The following EIF3E variants were observed in gnomAD, a reference collection of about 807,000 sequenced individuals.
The protein encoded by EIF3E is eIF-3 p48.
In EIF3E, 25 loss-of-function variants were observed where a neutral mutation model predicts 59.3. The observed-to-expected ratio is 0.42, with a 90% CI of 0.31 to 0.59. The LOEUF (loss-of-function observed/expected upper bound fraction) is 0.59, where lower values mean the gene tolerates loss of function less well. Among genes scored for constraint, EIF3E ranks in the 20% least tolerant of loss-of-function variants. The pLI is 0.15. For missense variants in EIF3E, 317 were observed against 534.3 expected (o/e 0.59, Z 4.01); for synonymous variants, 176 against 170.2 (o/e 1.03, Z -0.26).
chr8:108,209,805 C>T (rs1815173178), intron 10 of EIF3E, among the ~76,000 whole-genome samples: 1 of 151,996 alleles, frequency 6.6e-6, no homozygotes, highest in South Asian at 2.1e-4. Context: ...GAGTAGTTGC[C>T]AGAAATTAAG....
chr8:108,224,994 C>T (rs2129886473), intron 7 of EIF3E, among the ~76,000 whole-genome samples: 1 of 151,682 alleles, frequency 6.6e-6, no homozygotes, highest in East Asian at 1.9e-4. Flanking sequence ...TCTTTCTAGT[C>T]TTCTGTATGA....
intron 10 of EIF3E, among the ~76,000 whole-genome samples, chr8:108,209,598 G>A (rs1271486295): frequency 6.6e-6 from 1 of 152,070 alleles, no homozygotes; most frequent in Admixed American, 6.5e-5. Flanking sequence ...TCTACCCCGT[G>A]TTTGGCCAAA....
intron 5 of EIF3E, among the ~76,000 whole-genome samples, chr8:108,232,260 C>G (rs547401679): frequency 2.0e-5 from 3 of 152,154 alleles, no homozygotes; most frequent in African/African-American, 7.2e-5. Flanking sequence ...AACAAACTCT[C>G]GCCTAACACA....
At position 108,240,043 on chromosome 8, in the gene EIF3E, G is replaced by C. The variant is rs2129920997; in HGVS notation, c.238C>G (p.Gln80Glu). 1 of 1,614,026 alleles carries C rather than the reference G, an allele frequency of 6.2e-7. No homozygotes were observed. The highest frequency in any genetic ancestry group is 2.2e-5 in the East Asian group (1 of 44,856). ...GTTTCTGCCTGAAGCTGTTTCAGTT[G>C]TGCAACCACTGTGGTTCTTTTCTCT... ...LREKRTTVVAQLKQLQAETEP... is the reference protein window; with the variant it reads ...LREKRTTVVAELKQLQAETEP... Residue 80 changes from glutamine to glutamate, a missense_variant, in exon 3 of 13, where the codon CAA becomes GAA. This residue lies in a region of EIF3E where 242 missense variants were observed against 398.0 expected (regional missense o/e 0.61). Transcript: ENST00000220849.
intron 10 of EIF3E, among the ~76,000 whole-genome samples, chr8:108,211,701 A>G (rs890657158): frequency 3.9e-5 from 6 of 152,204 alleles, no homozygotes; most frequent in African/African-American, 1.2e-4. Context: ...TTACACGCCT[A>G]AAAAACTGGT....
intron 1 of EIF3E, among the ~76,000 whole-genome samples, chr8:108,246,520 G>A (rs1168933548): frequency 6.6e-6 from 1 of 152,140 alleles, no homozygotes; most frequent in African/African-American, 2.4e-5. Context: ...TGAGATGTCT[G>A]GGTTTTATCT....
intron 5 of EIF3E, chr8:108,231,890 AT>A (rs2078475379): frequency 6.6e-6 from 1 of 151,830 alleles, no homozygotes; most frequent in African/African-American, 2.4e-5. Context: ...CACAGCTTTA[AT>A]TTATACAACA....
At chr8:108,221,422 G>A (rs1242077306) in intron 7 of EIF3E, 1 of 152,114 alleles carries the variant, frequency 6.6e-6, no homozygotes, top group African/African-American at 2.4e-5. Context: ...CTGTCAGTTT[G>A]AGAACATGTG....
Position 108,203,126 on chromosome 8 carries a change from A to G in EIF3E, c.1165-9T>C, listed in dbSNP as rs747606340. ...CCCATAACCACATGACCCTAAAAGG[A>G]AACACAGGGAAATTGATCCTATAAT... is the stretch of plus-strand genomic sequence containing the variant. On this transcript the variant is annotated splice_polypyrimidine_tract_variant and intron_variant, in intron 11 of 12. Coordinates refer to ENST00000220849, the MANE Select transcript of EIF3E (RefSeq NM_001568.3). The G allele has an allele frequency of 6.2e-7, 1 of 1,607,804 alleles. No homozygotes were observed. Among genetic ancestry groups the G allele is most frequent in the Non-Finnish European group, 8.5e-7 (1 of 1,177,814 alleles).
intron 5 of EIF3E, chr8:108,233,662 C>A: frequency 2.4e-6 from 1 of 410,602 alleles, no homozygotes. Flanking sequence ...GGCAACATAG[C>A]AAGACTCCAT....
chr8:108,239,606 C>T (rs1472829354), intron 3 of EIF3E, among the ~76,000 whole-genome samples: 1 of 152,006 alleles, frequency 6.6e-6, no homozygotes, highest in Non-Finnish European at 1.5e-5. Context: ...GCATAACTGG[C>T]CTCTACTCAC....
intron 3 of EIF3E, among the ~76,000 whole-genome samples, 160 bp downstream of exon 3, chr8:108,239,798 A>G (rs1237488353): frequency 6.6e-6 from 1 of 152,218 alleles, no homozygotes; most frequent in Non-Finnish European, 1.5e-5. Flanking sequence ...TATTAATTAT[A>G]CTGGCCCCTA....
intron 6 of EIF3E, among the ~76,000 whole-genome samples, chr8:108,228,772 A>G (rs903799841): frequency 6.6e-6 from 1 of 152,186 alleles, no homozygotes; most frequent in Non-Finnish European, 1.5e-5. Context: ...ACTTTCAATA[A>G]TAGGTGGCAC....
intron 10 of EIF3E, among the ~76,000 whole-genome samples, chr8:108,212,574 G>C (rs1262478198): frequency 6.6e-6 from 1 of 152,188 alleles, no homozygotes; most frequent in Non-Finnish European, 1.5e-5. Flanking sequence ...GAACAAGGCA[G>C]GGAGATCACT....
chr8:108,209,781 A>T (rs1815172769), intron 10 of EIF3E, among the ~76,000 whole-genome samples: 1 of 152,184 alleles, frequency 6.6e-6, no homozygotes. Flanking sequence ...AAAATATAGG[A>T]ATGGAGAACA....
In EIF3E at chr8:108,201,637, A is replaced by G; in HGVS notation, c.*248T>C. The G allele has an allele frequency of 3.3e-6, 1 of 304,892 alleles. No individual in the cohort carries two copies. The highest frequency in any genetic ancestry group is 6.1e-6 in the Non-Finnish European group (1 of 162,976). The allele number at this position is 304,892 out of a possible 1,614,324, so 18.9% of individuals were successfully genotyped here. Reference sequence around the variant, plus strand: ...TTGAGGGAAACAGGGTTCAGCCTACAGGGACTTCTCTGTACTATTTTTGCA... The same window carrying G: ...TTGAGGGAAACAGGGTTCAGCCTACGGGGACTTCTCTGTACTATTTTTGCA... On this transcript the variant is annotated 3_prime_UTR_variant, in exon 13 of 13. Transcript: ENST00000220849.
At chr8:108,247,895 G>A (rs1444019385) in intron 1 of EIF3E, among the ~76,000 whole-genome samples, 1 of 152,148 alleles carries the variant, frequency 6.6e-6, no homozygotes, top group African/African-American at 2.4e-5. Context: ...TTAAAATGAA[G>A]TTCCAGAATT....
At chr8:108,241,763 CACAAG>C in intron 2 of EIF3E, 31 bp downstream of exon 2, 2 of 1,322,152 alleles carry the variant, frequency 1.5e-6, no homozygotes, top group Non-Finnish European at 1.0e-6. Context: ...ATCCTCAAGT[CACAAG>C]ACAAGTTTCA....
At chr8:108,229,341 T>C in intron 5 of EIF3E, 146 bp from the exon 6 acceptor site, 1 of 721,520 alleles carries the variant, frequency 1.4e-6, no homozygotes. Context: ...CCTTATTGGA[T>C]CACACTGGTT....
Sources: allele counts gnomAD v4.1 joint callset (sites outside exome capture counted in the v4.1 genomes callset), GRCh38; gene constraint gnomAD v4.1.1; regional missense constraint gnomAD v4.1.1; transcripts MANE v1.5; gene names NCBI Gene and HGNC (gene_info 2026-07-23, HGNC 2026-07-21).